Variants in GPR162 observed in about 807,000 individuals in gnomAD.
GPR162 encodes probable G protein-coupled receptor 162.
A neutral mutation model predicts 44.9 loss-of-function variants in GPR162; 26 were observed. The ratio of observed to expected loss-of-function variants is 0.58; its 90% CI spans 0.42 to 0.80. The LOEUF is 0.80. Among genes scored for constraint, GPR162 ranks in the 30% least tolerant of loss-of-function variants. GPR162 has a pLI of 0.00. For missense variants in GPR162, 704 were observed against 802.3 expected (o/e 0.88, Z 1.48); for synonymous variants, 363 against 335.2 (o/e 1.08, Z -0.91).
chr12:6,824,890 T>C, intron 2 of GPR162, 125 bp downstream of exon 2: 2 of 785,348 alleles, frequency 2.5e-6, no homozygotes, highest in Non-Finnish European at 4.4e-6. Context: ...TCATCCATCT[T>C]CCTCTCCTCT....
rs1271226944 is a variant in GPR162 at position 6,822,086 on chromosome 12, G to A, written c.-432+186G>A. On this transcript the variant is annotated intron_variant, in intron 1 of 4. Transcript: ENST00000311268. This position sits in a 1 kb window ranked among gnomAD's most constrained non-coding sequence, Gnocchi z 4.2. ...TTCACCCCAAAGGGCGAGGGACCCC[G>A]TCGGCCAGGGAACCTCCCAGATCCC... is the stretch of plus-strand genomic sequence containing the variant. Among the ~76,000 whole-genome samples, 2 of 152,174 alleles carry A rather than the reference G, an allele frequency of 1.3e-5. No individual in the cohort carries two copies. The highest frequency in any genetic ancestry group is 2.9e-5 in the Non-Finnish European group (2 of 68,002).
chr12:6,827,166 G>T lies in GPR162; in HGVS notation c.1729G>T (p.Gly577Cys). ...TGCAAGGGCTTGGGGAGGATCCTGG[G>T]GCCCAGGCAACCCCATCTTTCCCCA... Reference protein sequence around the residue: ...ESARAWGGSWGPGNPIFPQLT... With the variant: ...ESARAWGGSWCPGNPIFPQLT... The change falls in exon 5 of 5, where the codon GGC becomes TGC. Residue 577 changes from glycine (G) to cysteine (C), a missense_variant. By Grantham distance (159) the Gly-to-Cys change is radical (BLOSUM62 -3). This residue lies in a region of GPR162 where 404 missense variants were observed against 314.1 expected (regional missense o/e 1.29). Coordinates refer to ENST00000311268, the MANE Select transcript of GPR162 (RefSeq NM_019858.2). 3 of 1,612,230 alleles carry T rather than the reference G, an allele frequency of 1.9e-6. No homozygotes were observed. In the South Asian group the frequency reaches 3.3e-5, roughly 18 times the overall value.
chr12:6,824,566 G>A lies in GPR162; in HGVS notation c.668G>A (p.Gly223Glu), dbSNP rs1555119698. 6.2e-7 allele frequency: 1 copy of A among 1,605,720 alleles called. No homozygotes were observed. The highest frequency in any genetic ancestry group is 2.2e-5 in the East Asian group (1 of 44,806). The change falls in exon 2 of 5, where the codon GGG becomes GAG. Residue 223 changes from glycine to glutamate, a missense_variant. Around this residue, in one of 6 missense-constraint regions of GPR162, gnomAD observed 56 missense variants for 47.2 expected, o/e 1.19. Coordinates refer to ENST00000311268, the MANE Select transcript of GPR162 (RefSeq NM_019858.2). Reference sequence around the variant, plus strand: ...CAGGCCCGGAGAGTGGGGGGTGGTGGGGGGACCAAAGCGGGTGGGCCAGGG... The same window carrying A: ...CAGGCCCGGAGAGTGGGGGGTGGTGAGGGGACCAAAGCGGGTGGGCCAGGG... ...ARQARRVGGG[G>E]GTKAGGPGAL...
chr12:6,823,617 C>A lies in GPR162; in HGVS notation c.-282C>A. 1 of 671,480 alleles carries A rather than the reference C, an allele frequency of 1.5e-6. No homozygotes were observed. The highest frequency in any genetic ancestry group is 2.5e-6 in the Non-Finnish European group (1 of 406,934). The allele number at this position is 671,480 out of a possible 1,614,324, so 41.6% of individuals were successfully genotyped here. On this transcript the variant is annotated 5_prime_UTR_variant, in exon 2 of 5. Coordinates refer to ENST00000311268, the MANE Select transcript of GPR162 (RefSeq NM_019858.2). Reference sequence around the variant, plus strand: ...GCCTCATAGTTGGGAAAGTAGCCAGCTTGCCTGCCCCATCAATTGCAGGGA... The same window carrying A: ...GCCTCATAGTTGGGAAAGTAGCCAGATTGCCTGCCCCATCAATTGCAGGGA...
In GPR162 at chr12:6,822,250, G is replaced by A. The variant is rs1555119316; in HGVS notation, c.-432+350G>A. On this transcript the variant is annotated intron_variant, in intron 1 of 4. Transcript: ENST00000311268. The surrounding 1 kb of genome is among the most constrained non-coding windows in gnomAD (Gnocchi z 4.2). ...CAGCTGGGCCTGGGTGGAGGTGGGT[G>A]GGAAGGGGTCCAGGGCTGTAGGAGA... Among the ~76,000 whole-genome samples the A allele has an allele frequency of 6.6e-6, 1 of 152,148 alleles. No homozygotes were observed. The highest frequency in any genetic ancestry group is 2.1e-4 in the South Asian group (1 of 4,836).
Position 6,827,129 on chromosome 12 carries a change from G to T in GPR162, c.1692G>T (p.Gly564=). 6.2e-7 allele frequency: 1 copy of T among 1,613,330 alleles called. No individual in the cohort carries two copies. The highest frequency in any genetic ancestry group is 1.1e-5 in the South Asian group (1 of 91,090). ...CAGGGAGACGCTGCTCCCTGACGGG[G>T]GGTGAAGAAAGTGCAAGGGCTTGGG... ...LSAGRRCSLT[G]GEESARAWGG... The change falls in exon 5 of 5, where the codon GGG becomes GGT. Residue 564 remains glycine, a synonymous_variant. Transcript: ENST00000311268.
In GPR162 at chr12:6,825,561, A is replaced by G. The variant is rs782484879; in HGVS notation, c.945A>G (p.Ala315=). ...MVLAVLWCSM[A]QTLLLPSFIW... is the part of the protein sequence containing the mutation. ...TGGCTGTGCTGTGGTGCTCCATGGC[A>G]CAGACGCTGCTGCTGCCCTCCTTCA... Residue 315 remains alanine (A), a synonymous_variant, in exon 3 of 5, where the codon GCA becomes GCG. Transcript: ENST00000311268. 1.9e-6 allele frequency: 3 copies of G among 1,610,386 alleles called. No individual in the cohort carries two copies. Among genetic ancestry groups the G allele is most frequent in the South Asian group, 2.2e-5 (2 of 90,198 alleles).
rs1255615655 is a variant in GPR162 at position 6,827,033 on chromosome 12, C to T, written c.1596C>T (p.Gly532=). Residue 532 remains glycine, a synonymous_variant, in exon 5 of 5, where the codon GGC becomes GGT. Coordinates refer to ENST00000311268, the MANE Select transcript of GPR162 (RefSeq NM_019858.2). ...CTCCTCGTCGGCCCCGGCCACTGGG[C>T]CTCTCACCCCGCCGACTCTCCCTTG... The part of the protein sequence containing the change: ...GHSPRRPRPL[G]LSPRRLSLGS... 6.8e-6 allele frequency: 11 copies of T among 1,613,242 alleles called. No individual in the cohort carries two copies. The highest frequency in any genetic ancestry group is 6.6e-5 in the South Asian group (6 of 91,086).
chr12:6,826,757 G>C lies in GPR162; in HGVS notation c.1320G>C (p.Arg440=). ...LHKWSSSDDI[R]VLPAQSRALG... is the part of the protein sequence containing the mutation. The stretch of plus-strand genomic sequence containing the variant: ...AGTGGTCATCCTCTGATGACATCCG[G>C]GTCCTCCCAGCCCAGAGCCGGGCCC... Residue 440 remains arginine (R), a synonymous_variant, in exon 5 of 5, where the codon CGG becomes CGC. Transcript: ENST00000311268. 6.2e-7 allele frequency: 1 copy of C among 1,605,388 alleles called. No homozygotes were observed. Among genetic ancestry groups the C allele is most frequent in the Non-Finnish European group, 8.5e-7 (1 of 1,176,058 alleles).
chr12:6,822,205 C>T lies in GPR162; in HGVS notation c.-432+305C>T, dbSNP rs887119915. Among the ~76,000 whole-genome samples, 1 of 152,174 alleles carries T rather than the reference C, an allele frequency of 6.6e-6. No individual in the cohort carries two copies. The highest frequency in any genetic ancestry group is 2.4e-5 in the African/African-American group (1 of 41,438). On this transcript the variant is annotated intron_variant, in intron 1 of 4. Transcript: ENST00000311268. This position sits in a 1 kb window ranked among gnomAD's most constrained non-coding sequence, Gnocchi z 4.2. ...CCTCCTTCCCTCTCTGACTCCCTATCTCTTTCATCCTGAGCCCACCAGCTG... is the reference window on the plus strand; with the variant it reads ...CCTCCTTCCCTCTCTGACTCCCTATTTCTTTCATCCTGAGCCCACCAGCTG...
At chr12:6,825,337 C>T in intron 2 of GPR162, 147 bp from the exon 3 acceptor site, 1 of 615,210 alleles carries the variant, frequency 1.6e-6, no homozygotes, top group Non-Finnish European at 2.9e-6. Flanking sequence ...TCTGTTCACT[C>T]CATCTCCACC....
rs782611594 is a variant in GPR162, at chr12:6,824,426, C to G, written c.528C>G (p.Gly176=). Residue 176 remains glycine, a synonymous_variant, in exon 2 of 5, where the codon GGC becomes GGG. Coordinates refer to ENST00000311268, the MANE Select transcript of GPR162 (RefSeq NM_019858.2). ...GCCAGTTCATAGTCTCCAAGATCGGCCTCGGCTTTGGCGTTTGCTTCAGCC... is the reference window on the plus strand; with the variant it reads ...GCCAGTTCATAGTCTCCAAGATCGGGCTCGGCTTTGGCGTTTGCTTCAGCC... ...RGCQFIVSKI[G]LGFGVCFSLL... is the part of the protein sequence containing the mutation. The G allele has an allele frequency of 6.2e-7, 1 of 1,614,230 alleles. No homozygotes were observed. The highest frequency in any genetic ancestry group is 2.2e-5 in the East Asian group (1 of 44,886).
Position 6,825,494 on chromosome 12 carries a change from T to G in GPR162, c.878T>G (p.Phe293Cys), listed in dbSNP as rs537356928. ...LTGVPILVVS[F>C]FSLKSDSAPP... ...CCCACCCTTCCCCAGGTGGTGAGCT[T>G]CTTCTCCCTCAAGTCGGACTCGGCG... Residue 293 changes from phenylalanine (F) to cysteine (C), a missense_variant, in exon 3 of 5, where the codon TTC (phenylalanine) becomes TGC (cysteine). Coordinates refer to ENST00000311268, the MANE Select transcript of GPR162 (RefSeq NM_019858.2). 2.6e-5 allele frequency: 42 copies of G among 1,608,014 alleles called. No homozygotes were observed. The highest frequency in any genetic ancestry group is 3.2e-5 in the Non-Finnish European group (38 of 1,177,900).
rs1306647424 is a variant in GPR162, at chr12:6,822,770, G to T, written c.-431-698G>T. Among the ~76,000 whole-genome samples the T allele has an allele frequency of 2.6e-5, 4 of 152,048 alleles. No individual in the cohort carries two copies. Among genetic ancestry groups the T allele is most frequent in the South Asian group, 4.2e-4 (2 of 4,812 alleles). The stretch of plus-strand genomic sequence containing the variant: ...TCCCTCCAAAGCCTCCTCTCCAGGG[G>T]GTTTGAGCTTTTCCTGCTATTTTCA... On this transcript the variant is annotated intron_variant, in intron 1 of 4. Coordinates refer to ENST00000311268, the MANE Select transcript of GPR162 (RefSeq NM_019858.2). This position sits in a 1 kb window ranked among gnomAD's most constrained non-coding sequence, Gnocchi z 4.2.
At position 6,823,736 on chromosome 12, in the gene GPR162, G is replaced by A. The variant is rs1555119505; in HGVS notation, c.-163G>A. ...TGCCCTCTACATCTGCCCTCAGCTG[G>A]GTCCATCATGCAATGCTGAGCACTG... On this transcript the variant is annotated 5_prime_UTR_variant, in exon 2 of 5. Coordinates refer to ENST00000311268, the MANE Select transcript of GPR162 (RefSeq NM_019858.2). 1 of 1,611,912 alleles carries A rather than the reference G, an allele frequency of 6.2e-7. No homozygotes were observed. The highest frequency in any genetic ancestry group is 8.5e-7 in the Non-Finnish European group (1 of 1,178,494).
chr12:6,824,066 G>T lies in GPR162; in HGVS notation c.168G>T (p.Ala56=), dbSNP rs141636256. ...KPLELLLCFL[A]GTHILMAAVP... ...TGGAGCTGCTGCTCTGCTTCCTAGC[G>T]GGCACACACATACTCATGGCAGCTG... Residue 56 remains alanine (A), a synonymous_variant, in exon 2 of 5, where the codon GCG becomes GCT. Coordinates refer to ENST00000311268, the MANE Select transcript of GPR162 (RefSeq NM_019858.2). 1.4e-5 allele frequency: 22 copies of T among 1,613,196 alleles called. No individual in the cohort carries two copies. The Admixed American group carries it at 3.5e-4, about 26-fold the overall frequency.
chr12:6,824,570 G>GGGGC lies in GPR162; in HGVS notation c.672_673insGGGC (p.Thr225GlyfsTer17). ...CCCGGAGAGTGGGGGGTGGTGGGGG[G>GGGGC]ACCAAAGCGGGTGGGCCAGGGGCCT... On this transcript the variant is annotated frameshift_variant, in exon 2 of 5. Coordinates refer to ENST00000311268, the MANE Select transcript of GPR162 (RefSeq NM_019858.2). LOFTEE classifies it high-confidence loss of function. 2.2e-6 allele frequency: 3 copies of GGGGC among 1,338,050 alleles called. No homozygotes were observed. Among genetic ancestry groups the GGGGC allele is most frequent in the Non-Finnish European group, 3.2e-6 (3 of 951,580 alleles). The allele number at this position is 1,338,050 out of a possible 1,614,324, so 82.9% of individuals were successfully genotyped here.
In GPR162 at chr12:6,824,023, A is replaced by G; in HGVS notation, c.125A>G (p.Gln42Arg). 6.2e-7 allele frequency: 1 copy of G among 1,611,082 alleles called. No homozygotes were observed. Among genetic ancestry groups the G allele is most frequent in the Non-Finnish European group, 8.5e-7 (1 of 1,179,800 alleles). Residue 42 changes from glutamine to arginine, a missense_variant, in exon 2 of 5, where the codon CAG becomes CGG. Physicochemically the swap from Gln to Arg is conservative, Grantham distance 43. Transcript: ENST00000311268. ...AWIILSISAK[Q>R]QKHKPLELLL... is the part of the protein sequence containing the mutation. ...ATCATCCTCAGCATCTCGGCCAAGC[A>G]GCAGAAGCACAAGCCACTGGAGCTG...
chr12:6,827,044 G>C lies in GPR162; in HGVS notation c.1607G>C (p.Arg536Pro). ...CCCCGGCCACTGGGCCTCTCACCCCGCCGACTCTCCCTTGGGTCCCCTGAG... is the reference window on the plus strand; with the variant it reads ...CCCCGGCCACTGGGCCTCTCACCCCCCCGACTCTCCCTTGGGTCCCCTGAG... ...RRPRPLGLSP[R>P]RLSLGSPESR... Residue 536 changes from arginine (R) to proline (P), a missense_variant, in exon 5 of 5, where the codon CGC becomes CCC. Transcript: ENST00000311268. 4 of 1,613,348 alleles carry C rather than the reference G, an allele frequency of 2.5e-6. No homozygotes were observed. In the South Asian group the frequency reaches 3.3e-5, roughly 13 times the overall value.
Sources: gnomAD v4.1 joint callset for allele counts (sites outside exome capture counted in the v4.1 genomes callset) on GRCh38, gnomAD v4.1.1 for gene constraint, gnomAD v4.1.1 regional missense constraint, Gnocchi (gnomAD v3.1) non-coding constraint, MANE v1.5 for transcripts, NCBI Gene and HGNC (gene_info 2026-07-23, HGNC 2026-07-21) for gene names.